The following RNF185 variants were observed in gnomAD, a reference collection of about 807,000 sequenced individuals.
The protein encoded by RNF185 is E3 ubiquitin-protein ligase RNF185.
Under a neutral mutation model 24.9 loss-of-function variants are expected in RNF185, and 13 were observed. The observed-to-expected ratio is 0.52, with a 90% CI of 0.34 to 0.83. The LOEUF (loss-of-function observed/expected upper bound fraction) is 0.83, where lower values mean the gene tolerates loss of function less well. RNF185 is among the 40% of genes least tolerant of loss of function. The pLI is 0.01. For synonymous variants in RNF185, 79 were observed against 90.3 expected (o/e 0.88, Z 0.71); for missense variants, 184 against 244.7 (o/e 0.75, Z 1.65).
chr22:31,165,147 G>C (rs1923839966), intron 1 of RNF185, among the ~76,000 whole-genome samples: 1 of 150,910 alleles, frequency 6.6e-6, no homozygotes, highest in Admixed American at 6.6e-5. Flanking sequence ...GGAACTCCCG[G>C]CCTCAGGTGA....
chr22:31,178,917 G>A (rs936779140), intron 1 of RNF185, among the ~76,000 whole-genome samples: 6 of 152,216 alleles, frequency 3.9e-5, no homozygotes, highest in African/African-American at 1.4e-4. Context: ...TAAGAATGAA[G>A]AGAGTGCTGA....
At chr22:31,200,797 A>T (rs1011529489) in intron 5 of RNF185, among the ~76,000 whole-genome samples, 1 of 152,238 alleles carries the variant, frequency 6.6e-6, no homozygotes, top group Non-Finnish European at 1.5e-5. Context: ...GCAAGTATAT[A>T]TTACTTTTAT....
intron 6 of RNF185, among the ~76,000 whole-genome samples, chr22:31,203,997 T>C (rs2413034): frequency 0.79 from 115,413 of 146,182 alleles, 46,375 homozygotes; most frequent in African/African-American, 0.94. Context: ...GCCGAGATCG[T>C]GCCATTGCAC....
At chr22:31,176,059 G>A (rs2047979255) in intron 1 of RNF185, among the ~76,000 whole-genome samples, 1 of 151,960 alleles carries the variant, frequency 6.6e-6, no homozygotes, top group African/African-American at 2.4e-5. Flanking sequence ...CACCATGCTT[G>A]GCCTATTTTC....
chr22:31,197,079 T>C, intron 5 of RNF185, 89 bp downstream of exon 5: 1 of 1,561,076 alleles, frequency 6.4e-7, no homozygotes, highest in Non-Finnish European at 8.7e-7. Flanking sequence ...TCCTTGATTA[T>C]AAAAGTAAAG....
At position 31,191,827 on chromosome 22, in the gene RNF185, CA is replaced by C. The variant is rs71784545; in HGVS notation, c.177-837del. 9.6e-3 allele frequency among the ~76,000 whole-genome samples: 617 copies of C among 64,348 alleles called. 3 individuals are homozygous for C. Among genetic ancestry groups the C allele is most frequent in the Non-Finnish European group, 0.012 (345 of 28,244 alleles). 42.2% of individuals were successfully genotyped at this position (64,348 alleles called of 152,430 possible). On this transcript the variant is annotated intron_variant, in intron 2 of 6. Transcript: ENST00000326132. ...GGGCAACAAGAACAAAACTTCGTCT[CA>C]AAAAAAAAAAAAAAAAAAAGTGGAG...
intron 1 of RNF185, among the ~76,000 whole-genome samples, chr22:31,183,834 T>C (rs1359730742): frequency 6.6e-6 from 1 of 152,116 alleles, no homozygotes; most frequent in East Asian, 1.9e-4. Context: ...TCCCCACATT[T>C]CCCCCTTTTC....
At chr22:31,167,248 G>T (rs1241041853) in intron 1 of RNF185, among the ~76,000 whole-genome samples, 1 of 152,004 alleles carries the variant, frequency 6.6e-6, no homozygotes, top group Non-Finnish European at 1.5e-5. Context: ...ACTCACTGCA[G>T]CCTCAACCTC....
At chr22:31,166,361 T>C (rs936936658) in intron 1 of RNF185, among the ~76,000 whole-genome samples, 1 of 152,122 alleles carries the variant, frequency 6.6e-6, no homozygotes, top group South Asian at 2.1e-4. Context: ...CATCCCTAGC[T>C]CTAGTATCTA....
chr22:31,200,079 G>A (rs767197574), intron 5 of RNF185, among the ~76,000 whole-genome samples: 2 of 152,156 alleles, frequency 1.3e-5, no homozygotes, highest in Non-Finnish European at 2.9e-5. Context: ...CATGAAGGCC[G>A]GGCACAGTGG....
Position 31,164,679 on chromosome 22 carries a change from C to A in RNF185, c.-49+4376C>A, listed in dbSNP as rs531848040. Among the ~76,000 whole-genome samples, 2 of 150,412 alleles carry A rather than the reference C, an allele frequency of 1.3e-5. 1 individual carries two copies. The highest frequency in any genetic ancestry group is 4.2e-4 in the South Asian group (2 of 4,774). ...TCTCAGCTAACTGCAACCCCCCTCC[C>A]GGGTTCAAGCGATTCTCCTGCCTCA... is the stretch of plus-strand genomic sequence containing the variant. On this transcript the variant is annotated intron_variant, in intron 1 of 6. Coordinates refer to ENST00000326132, the MANE Select transcript of RNF185 (RefSeq NM_152267.4).
rs1484881137 is a variant in RNF185, at chr22:31,206,470, A to G, written c.*1884A>G. 2 of 152,170 alleles carry G rather than the reference A, an allele frequency of 1.3e-5. No homozygotes were observed. The highest frequency in any genetic ancestry group is 2.4e-5 in the African/African-American group (1 of 41,424). The allele number at this position is 152,170 out of a possible 1,614,324, so 9.4% of individuals were successfully genotyped here. On this transcript the variant is annotated 3_prime_UTR_variant, in exon 7 of 7. Transcript: ENST00000326132. ...GAATTGGTGGGACCCCCCTCAGTGC[A>G]GTGGCCCCAACTAGTGGAGGGAGAG...
chr22:31,189,159 G>GTGTGTGTT (rs2048129936), intron 2 of RNF185, among the ~76,000 whole-genome samples: 3 of 147,992 alleles, frequency 2.0e-5, no homozygotes, highest in East Asian at 3.9e-4. Context: ...GTGTGTGTGT[G>GTGTGTGTT]TGTGTTTGTG....
intron 1 of RNF185, among the ~76,000 whole-genome samples, chr22:31,175,078 A>T (rs1373122484): frequency 2.2e-4 from 2 of 9,072 alleles, no homozygotes; most frequent in African/African-American, 3.7e-3. Flanking sequence ...TCTCAAATTA[A>T]AAAAAAAAAA....
chr22:31,203,514 G>A (rs759377631), intron 6 of RNF185, among the ~76,000 whole-genome samples: 4 of 152,092 alleles, frequency 2.6e-5, no homozygotes, highest in Non-Finnish European at 5.9e-5. Flanking sequence ...TACTCAAAAT[G>A]GAAATAATAA....
chr22:31,163,452 C>T (rs1568956854), intron 1 of RNF185, among the ~76,000 whole-genome samples: 2 of 151,814 alleles, frequency 1.3e-5, no homozygotes, highest in East Asian at 1.9e-4. Context: ...CTCAGCCACC[C>T]GAGTAGTTGG....
At chr22:31,194,144 C>T (rs1245015848) in intron 3 of RNF185, among the ~76,000 whole-genome samples, 1 of 151,758 alleles carries the variant, frequency 6.6e-6, no homozygotes, top group African/African-American at 2.4e-5. Flanking sequence ...GTGATCCACC[C>T]GCCTCAGCTT....
chr22:31,164,124 G>A (rs1923760823), intron 1 of RNF185, among the ~76,000 whole-genome samples: 1 of 151,964 alleles, frequency 6.6e-6, no homozygotes, highest in Admixed American at 6.6e-5. Flanking sequence ...TGGGATTACA[G>A]GCATGTGCCA....
intron 1 of RNF185, among the ~76,000 whole-genome samples, chr22:31,181,704 G>C (rs1313980322): frequency 6.6e-6 from 1 of 152,120 alleles, no homozygotes; most frequent in Non-Finnish European, 1.5e-5. Context: ...GTCCTTTGTA[G>C]GGACGTGGAT....
Sources: gnomAD v4.1 joint callset for allele counts (sites outside exome capture counted in the v4.1 genomes callset) on GRCh38, gnomAD v4.1.1 for gene constraint, MANE v1.5 for transcripts, NCBI Gene and HGNC (gene_info 2026-07-23, HGNC 2026-07-21) for gene names.